The following DAAM1 variants were observed in gnomAD, a reference collection of about 807,000 sequenced individuals.
DAAM1 encodes dishevelled associated activator of morphogenesis 1.
DAAM1 carries 52 observed loss-of-function variants against 130.0 expected under a neutral mutation model. That is an observed-to-expected ratio of 0.40 (90% CI 0.32 to 0.50). The LOEUF is 0.50. DAAM1 is among the 20% of genes least tolerant of loss of function. DAAM1 has a pLI of 0.61. For missense variants in DAAM1, 1,134 were observed against 1,303.8 expected (o/e 0.87, Z 2.01); for synonymous variants, 452 against 444.5 (o/e 1.02, Z -0.21).
intron 2 of DAAM1, among the ~76,000 whole-genome samples, chr14:59,279,613 A>G (rs1455352206): frequency 6.6e-6 from 1 of 152,214 alleles, no homozygotes. Context: ...AGATTCAAAC[A>G]TAGAAGCTAA....
intron 1 of DAAM1, among the ~76,000 whole-genome samples, chr14:59,225,033 T>C (rs1049991424): frequency 7.1e-6 from 1 of 141,522 alleles, no homozygotes; most frequent in East Asian, 2.0e-4. Flanking sequence ...TTTTTTTTTT[T>C]TTTTTTTTTT....
At chr14:59,263,686 ATT>A in intron 2 of DAAM1, 26 bp downstream of exon 2, 1 of 1,606,812 alleles carries the variant, frequency 6.2e-7, no homozygotes, top group Non-Finnish European at 8.5e-7. Context: ...CTATCCTGGC[ATT>A]GGTGGGGAGC....
intron 2 of DAAM1, among the ~76,000 whole-genome samples, chr14:59,289,766 T>TA: frequency 1.6e-4 from 1 of 6,256 alleles, no homozygotes; most frequent in Non-Finnish European, 4.9e-4. Context: ...CAACAAAATG[T>TA]GATATATATA....
At chr14:59,248,025 A>C (rs1159592829) in intron 1 of DAAM1, among the ~76,000 whole-genome samples, 1 of 152,208 alleles carries the variant, frequency 6.6e-6, no homozygotes, top group Non-Finnish European at 1.5e-5. Context: ...CTGTTTAACA[A>C]TATTCCTCAG....
intron 1 of DAAM1, among the ~76,000 whole-genome samples, chr14:59,198,318 G>T (rs1887976961): frequency 6.7e-6 from 1 of 150,058 alleles, no homozygotes; most frequent in Admixed American, 6.7e-5. Context: ...CAATTCTCCT[G>T]CCTCAGCCTC....
chr14:59,294,719 T>C (rs1883886745), intron 3 of DAAM1, among the ~76,000 whole-genome samples: 1 of 152,230 alleles, frequency 6.6e-6, no homozygotes, highest in Non-Finnish European at 1.5e-5. Flanking sequence ...AAATGAGGTT[T>C]TTCCCAGTCT....
At chr14:59,347,489 A>G (rs1421045175) in intron 16 of DAAM1, 50 bp from the exon 17 acceptor site, 3 of 1,549,766 alleles carry the variant, frequency 1.9e-6, no homozygotes, top group Non-Finnish European at 1.8e-6. Flanking sequence ...ATTATGTTAA[A>G]TTTTAATACT....
chr14:59,315,181 T>G, intron 3 of DAAM1, 99 bp from the exon 4 acceptor site: 1 of 1,029,256 alleles, frequency 9.7e-7, no homozygotes, highest in Non-Finnish European at 1.5e-6. Context: ...TCTAAAGGCT[T>G]GAGTGGGTCA....
At chr14:59,328,006 A>T (rs1478942951) in intron 12 of DAAM1, among the ~76,000 whole-genome samples, 1 of 152,256 alleles carries the variant, frequency 6.6e-6, no homozygotes, top group East Asian at 1.9e-4. Context: ...TCATACTGCC[A>T]GCTACCATGC....
intron 4 of DAAM1, among the ~76,000 whole-genome samples, chr14:59,319,099 G>A (rs888563409): frequency 3.3e-5 from 5 of 152,160 alleles, no homozygotes; most frequent in African/African-American, 7.2e-5. Flanking sequence ...GGCTGGATTT[G>A]TGTGAGTTTT....
In DAAM1 at chr14:59,263,572, A is replaced by G. The variant is rs548877215; in HGVS notation, c.95A>G (p.Asn32Ser). The change falls in exon 2 of 25, where the codon AAT becomes AGT. Residue 32 changes from asparagine (N) to serine (S), a missense_variant. This residue lies in a region of DAAM1 where 99 missense variants were observed against 86.4 expected (regional missense o/e 1.15). Transcript: ENST00000360909. ...DHPEITYRLR[N>S]DSNFALQTME... ...CCAGAAATCACGTATCGGCTGCGAA[A>G]TGATAGCAACTTTGCGCTTCAGACC... 6.2e-7 allele frequency: 1 copy of G among 1,614,202 alleles called. No individual in the cohort carries two copies. Among genetic ancestry groups the G allele is most frequent in the East Asian group, 2.2e-5 (1 of 44,886 alleles).
At chr14:59,247,874 C>T (rs533897066) in intron 1 of DAAM1, among the ~76,000 whole-genome samples, 1 of 152,094 alleles carries the variant, frequency 6.6e-6, no homozygotes, top group Non-Finnish European at 1.5e-5. Context: ...TATCATATAC[C>T]ATGTTGTGCA....
At chr14:59,325,386 C>T (rs148087594) in intron 8 of DAAM1, among the ~76,000 whole-genome samples, 176 of 152,274 alleles carry the variant, frequency 1.2e-3, no homozygotes, top group South Asian at 2.3e-3. Flanking sequence ...GGAATCTGAA[C>T]TTGATTGTTT....
chr14:59,297,041 G>C (rs1883982119), intron 3 of DAAM1, among the ~76,000 whole-genome samples: 1 of 152,164 alleles, frequency 6.6e-6, no homozygotes, highest in Non-Finnish European at 1.5e-5. Context: ...TGTATTACTG[G>C]TCAAAATATT....
At chr14:59,275,364 T>A (rs1398463239) in intron 2 of DAAM1, among the ~76,000 whole-genome samples, 3 of 152,110 alleles carry the variant, frequency 2.0e-5, no homozygotes, top group African/African-American at 7.2e-5. Flanking sequence ...GATGAAATCA[T>A]CTGTACAACA....
At chr14:59,211,343 C>T (rs990186407) in intron 1 of DAAM1, among the ~76,000 whole-genome samples, 2 of 152,172 alleles carry the variant, frequency 1.3e-5, no homozygotes, top group African/African-American at 4.8e-5. Context: ...TTTAAGAAAA[C>T]ACATGCATGC....
intron 2 of DAAM1, 128 bp from the exon 3 acceptor site, chr14:59,291,089 A>G: frequency 1.3e-6 from 1 of 770,162 alleles, no homozygotes; most frequent in Non-Finnish European, 2.0e-6. Flanking sequence ...TAGCTTCTTG[A>G]TCTTTTTCAA....
At position 59,263,367 on chromosome 14, in the gene DAAM1, G is replaced by C. The variant is rs181537694; in HGVS notation, c.-37-74G>C. 8.2e-5 allele frequency: 108 copies of C among 1,315,718 alleles called. 1 individual carries two copies. The East Asian group carries it at 2.6e-3, about 32-fold the overall frequency. 81.5% of individuals were successfully genotyped at this position (1,315,718 alleles called of 1,614,324 possible). A position where few individuals can be genotyped will look rare whatever the true frequency, so the allele number is the denominator to read the frequency against. ...TCGTCAGCACACGGAGCTCTTTCTT[G>C]AGTTGGTCTGGCCTTTTAAAAATCA... is the stretch of plus-strand genomic sequence containing the variant. On this transcript the variant is annotated intron_variant, in intron 1 of 24. Coordinates refer to ENST00000360909, the MANE Select transcript of DAAM1 (RefSeq NM_001270520.2).
intron 3 of DAAM1, among the ~76,000 whole-genome samples, chr14:59,312,758 C>A (rs1349341455): frequency 1.3e-5 from 2 of 152,106 alleles, no homozygotes; most frequent in Admixed American, 6.5e-5. Context: ...TTGTATATTT[C>A]TTTATCTTTT....
Sources: gnomAD v4.1 joint callset for allele counts (sites outside exome capture counted in the v4.1 genomes callset) on GRCh38, gnomAD v4.1.1 for gene constraint, gnomAD v4.1.1 regional missense constraint, MANE v1.5 for transcripts, NCBI Gene and HGNC (gene_info 2026-07-23, HGNC 2026-07-21) for gene names.